The following ADAMTS18 variants were observed in gnomAD, a reference collection of about 807,000 sequenced individuals.
ADAMTS18 encodes the protein A disintegrin and metalloproteinase with thrombospondin motifs 18.
Under a neutral mutation model 165.9 loss-of-function variants are expected in ADAMTS18, and 157 were observed. The ratio of observed to expected loss-of-function variants is 0.95; its 90% CI spans 0.83 to 1.08. The LOEUF is 1.08. ADAMTS18 is among the 50% of genes least tolerant of loss of function. The pLI, the probability that ADAMTS18 is intolerant of heterozygous loss-of-function variation, is 0.00. For missense variants in ADAMTS18, 2,040 were observed against 1,534.0 expected (o/e 1.33, Z -5.51); for synonymous variants, 782 against 578.2 (o/e 1.35, Z -5.06).
chr16:77,364,022 C>T (rs1043106066), intron 5 of ADAMTS18, 137 bp from the exon 6 acceptor site: 3 of 1,257,834 alleles, frequency 2.4e-6, no homozygotes, highest in African/African-American at 3.0e-5. Flanking sequence ...TTCCTCAAAA[C>T]TCAACTTAAA....
intron 13 of ADAMTS18, 119 bp from the exon 14 acceptor site, chr16:77,322,585 G>T: frequency 2.3e-6 from 3 of 1,293,186 alleles, no homozygotes; most frequent in Non-Finnish European, 3.3e-6. Flanking sequence ...TATGGAAAAT[G>T]TGTGTGTTTG....
chr16:77,389,668 G>A (rs917314673), intron 3 of ADAMTS18, among the ~76,000 whole-genome samples: 31 of 152,138 alleles, frequency 2.0e-4, no homozygotes, highest in Non-Finnish European at 2.9e-5. Flanking sequence ...TAAATTCTTC[G>A]AAAGGTCTCT....
At chr16:77,339,759 A>G (rs1462067899) in intron 11 of ADAMTS18, among the ~76,000 whole-genome samples, 1 of 152,154 alleles carries the variant, frequency 6.6e-6, no homozygotes, top group Non-Finnish European at 1.5e-5. Flanking sequence ...TTTCAAGAAC[A>G]GTCCTCATTG....
chr16:77,432,067 C>T (rs543028437), intron 2 of ADAMTS18, among the ~76,000 whole-genome samples: 39 of 152,252 alleles, frequency 2.6e-4, no homozygotes, highest in Non-Finnish European at 4.1e-4. Flanking sequence ...TAAACTGAAT[C>T]GGGAACATTT....
intron 3 of ADAMTS18, among the ~76,000 whole-genome samples, chr16:77,399,207 A>G (rs1031216720): frequency 6.6e-6 from 1 of 152,208 alleles, no homozygotes; most frequent in African/African-American, 2.4e-5. Context: ...AGCGCTGTGC[A>G]CATTGCTGTC....
At chr16:77,424,708 A>G (rs1465933367) in intron 3 of ADAMTS18, among the ~76,000 whole-genome samples, 2 of 152,224 alleles carry the variant, frequency 1.3e-5, no homozygotes, top group Non-Finnish European at 2.9e-5. Context: ...AACAAAAAAA[A>G]ACCTTTTTAA....
chr16:77,309,488 C>A (rs2055741403), intron 16 of ADAMTS18, among the ~76,000 whole-genome samples: 1 of 152,036 alleles, frequency 6.6e-6, no homozygotes, highest in African/African-American at 2.4e-5. Context: ...CATCTAGAAC[C>A]AAGGACCCAA....
rs537956364 is a variant in ADAMTS18 at position 77,375,926 on chromosome 16, G to A, written c.496-8203C>T. Among the ~76,000 whole-genome samples, 319 of 89,050 alleles carry A rather than the reference G, an allele frequency of 3.6e-3. 9 individuals are homozygous for A. The highest frequency in any genetic ancestry group is 0.011 in the African/African-American group (271 of 24,034). The allele number at this position is 89,050 out of a possible 152,430, so 58.4% of individuals were successfully genotyped here. On this transcript the variant is annotated intron_variant, in intron 3 of 22. Transcript: ENST00000282849. ...TTTTTTTTTTTTTTTTTTTTGAGAC[G>A]GAGTTTGGCTCTTGTTGCCCAGTTT...
chr16:77,400,484 T>G (rs1567541799), intron 3 of ADAMTS18, among the ~76,000 whole-genome samples: 6 of 112,192 alleles, frequency 5.3e-5, no homozygotes, highest in African/African-American at 1.9e-4. Flanking sequence ...GTGTGTGTTT[T>G]GTTTTTTTTT....
intron 3 of ADAMTS18, among the ~76,000 whole-genome samples, chr16:77,374,312 G>A (rs1257603658): frequency 6.6e-6 from 1 of 151,928 alleles, no homozygotes; most frequent in Non-Finnish European, 1.5e-5. Context: ...AAGGAAACCA[G>A]ACATAGGAAG....
At chr16:77,335,262 G>T (rs1262502791) in intron 12 of ADAMTS18, among the ~76,000 whole-genome samples, 1 of 148,280 alleles carries the variant, frequency 6.7e-6, no homozygotes, top group Non-Finnish European at 1.5e-5. Context: ...CTTCTCCCAT[G>T]TGAGAGCTAA....
At chr16:77,386,434 A>G (rs557415854) in intron 3 of ADAMTS18, among the ~76,000 whole-genome samples, 1 of 152,182 alleles carries the variant, frequency 6.6e-6, no homozygotes, top group Non-Finnish European at 1.5e-5. Flanking sequence ...TTTTCCCTAG[A>G]GGAATTTGAG....
Position 77,362,152 on chromosome 16 carries a change from G to A in ADAMTS18, c.1169C>T (p.Thr390Ile). ...GKRHDHAILL[T>I]GFDICSWKNE... ...CTTCCAAGAACAAATATCAAATCCT[G>A]TTAGTAAGATGGCATGATCATGTCT... The change falls in exon 7 of 23, where the codon ACA (threonine) becomes ATA (isoleucine). Residue 390 changes from threonine to isoleucine, a missense_variant. Coordinates refer to ENST00000282849, the MANE Select transcript of ADAMTS18 (RefSeq NM_199355.4). 6.2e-7 allele frequency: 1 copy of A among 1,614,110 alleles called. No individual in the cohort carries two copies. Among genetic ancestry groups the A allele is most frequent in the Non-Finnish European group, 8.5e-7 (1 of 1,180,020 alleles).
At chr16:77,432,893 A>G (rs974607685) in intron 2 of ADAMTS18, among the ~76,000 whole-genome samples, 8 of 152,146 alleles carry the variant, frequency 5.3e-5, no homozygotes, top group Admixed American at 6.5e-5. Context: ...TCTTCTGTTT[A>G]TGAACCATCT....
chr16:77,333,635 C>G (rs1374672613), intron 12 of ADAMTS18, among the ~76,000 whole-genome samples: 1 of 151,602 alleles, frequency 6.6e-6, no homozygotes, highest in Non-Finnish European at 1.5e-5. Flanking sequence ...ATAGAGATAT[C>G]TGTATTCCCA....
chr16:77,352,826 A>G (rs889979481), intron 10 of ADAMTS18, among the ~76,000 whole-genome samples: 2 of 152,120 alleles, frequency 1.3e-5, no homozygotes, highest in Admixed American at 6.6e-5. Flanking sequence ...ACTTTTTAGT[A>G]TGGGCCGGGC....
At chr16:77,393,291 T>C (rs1415034840) in intron 3 of ADAMTS18, among the ~76,000 whole-genome samples, 5 of 152,076 alleles carry the variant, frequency 3.3e-5, no homozygotes, top group Non-Finnish European at 5.9e-5. Context: ...AATACTGTGG[T>C]CTCAACATGA....
At chr16:77,420,674 C>T (rs1471084169) in intron 3 of ADAMTS18, among the ~76,000 whole-genome samples, 8 of 152,194 alleles carry the variant, frequency 5.3e-5, no homozygotes. Context: ...AAGGAAAACC[C>T]TGTGACAAGA....
At chr16:77,298,756 C>T (rs2055523975) in intron 17 of ADAMTS18, among the ~76,000 whole-genome samples, 1 of 152,232 alleles carries the variant, frequency 6.6e-6, no homozygotes, top group African/African-American at 2.4e-5. Flanking sequence ...TGTGCTACTG[C>T]ATTCCAGCCT....
Sources: allele counts gnomAD v4.1 joint callset (sites outside exome capture counted in the v4.1 genomes callset), GRCh38; gene constraint gnomAD v4.1.1; transcripts MANE v1.5; gene names NCBI Gene and HGNC (gene_info 2026-07-23, HGNC 2026-07-21).